UGGT2: variants seen among roughly 807,000 people sequenced by gnomAD.
The protein encoded by UGGT2 is UDP-glucose:glycoprotein glucosyltransferase 2.
In UGGT2, 180 loss-of-function variants were observed where a neutral mutation model predicts 192.1. The ratio of observed to expected loss-of-function variants is 0.94; its 90% CI spans 0.83 to 1.06. The LOEUF (loss-of-function observed/expected upper bound fraction) is 1.06. UGGT2 is among the 50% of genes least tolerant of loss of function. The pLI is 0.00. For synonymous variants in UGGT2, 580 were observed against 591.0 expected, an observed-to-expected ratio of 0.98 and a Z score of 0.27; for missense variants, 1,849 against 1,795.7, an observed-to-expected ratio of 1.03 and a Z score of -0.54.
At chr13:95,887,627 A>T (rs1213350154) in intron 26 of UGGT2, among the ~76,000 whole-genome samples, 2 of 152,170 alleles carry the variant, frequency 1.3e-5, no homozygotes, top group Non-Finnish European at 2.9e-5. Context: ...GGTATTCCTA[A>T]ATCACATTTC....
At chr13:95,960,371 A>AT (rs1329371766) in intron 12 of UGGT2, among the ~76,000 whole-genome samples, 5 of 152,234 alleles carry the variant, frequency 3.3e-5, no homozygotes, top group Non-Finnish European at 2.9e-5. Context: ...TAAGTGAGAA[A>AT]TTTACCAGAA....
chr13:95,829,019 A>G (rs1412542727), intron 38 of UGGT2, among the ~76,000 whole-genome samples: 8 of 152,146 alleles, frequency 5.3e-5, no homozygotes, highest in Non-Finnish European at 1.0e-4. Context: ...TTCAACATAC[A>G]CAAATCAATA....
At chr13:95,920,075 A>G (rs1187890207) in intron 20 of UGGT2, among the ~76,000 whole-genome samples, 1 of 152,196 alleles carries the variant, frequency 6.6e-6, no homozygotes, top group Non-Finnish European at 1.5e-5. Context: ...GATCTTCGAC[A>G]AACCTGACAA....
chr13:95,801,891 G>A (rs775059495), intron 38 of UGGT2, 79 bp from the exon 39 acceptor site: 3 of 1,539,774 alleles, frequency 1.9e-6, no homozygotes, highest in Non-Finnish European at 2.7e-6. Context: ...ATATGATGAG[G>A]AAGCACCGGT....
chr13:95,802,984 C>T (rs1399761308), intron 38 of UGGT2, among the ~76,000 whole-genome samples: 2 of 151,898 alleles, frequency 1.3e-5, no homozygotes, highest in Admixed American at 1.3e-4. Flanking sequence ...CAGGCGCCCG[C>T]CACCACGCCC....
chr13:95,857,896 G>A (rs1275903566), intron 33 of UGGT2, among the ~76,000 whole-genome samples: 1 of 151,660 alleles, frequency 6.6e-6, no homozygotes, highest in African/African-American at 2.4e-5. Flanking sequence ...GTTTATTTGG[G>A]TTAAATACTC....
At chr13:95,888,103 G>C in intron 25 of UGGT2, 132 bp from the exon 26 acceptor site, 1 of 543,230 alleles carries the variant, frequency 1.8e-6, no homozygotes. Context: ...ACAACGCCCT[G>C]CTGAAATAGT....
At chr13:95,900,193 A>G (rs2048062991) in intron 22 of UGGT2, among the ~76,000 whole-genome samples, 2 of 152,132 alleles carry the variant, frequency 1.3e-5, no homozygotes, top group Non-Finnish European at 2.9e-5. Flanking sequence ...GTAAAATTAT[A>G]TATAGTAGGA....
intron 4 of UGGT2, among the ~76,000 whole-genome samples, chr13:96,016,929 C>T (rs910531714): frequency 2.6e-5 from 4 of 152,154 alleles, no homozygotes; most frequent in African/African-American, 9.7e-5. Flanking sequence ...CTGGAGCTGC[C>T]CAAGGCCTAG....
intron 22 of UGGT2, among the ~76,000 whole-genome samples, chr13:95,897,718 C>T (rs760374371): frequency 2.0e-5 from 3 of 152,142 alleles, no homozygotes; most frequent in Non-Finnish European, 2.9e-5. Context: ...CGCTCATAAA[C>T]CACAGACTTA....
chr13:95,995,935 C>T (rs976655698), intron 7 of UGGT2, 128 bp downstream of exon 7: 15 of 758,884 alleles, frequency 2.0e-5, no homozygotes, highest in Middle Eastern at 3.6e-4. Flanking sequence ...TAAAAACAAT[C>T]GTATGTGTGT....
At chr13:95,837,918 T>C (rs1192736975) in intron 36 of UGGT2, among the ~76,000 whole-genome samples, 1 of 151,982 alleles carries the variant, frequency 6.6e-6, no homozygotes, top group African/African-American at 2.4e-5. Flanking sequence ...TTAAGGTTCT[T>C]CTCTCAACAT....
chr13:95,821,306 A>G (rs1885486522), intron 38 of UGGT2, among the ~76,000 whole-genome samples: 1 of 152,036 alleles, frequency 6.6e-6, no homozygotes, highest in South Asian at 2.1e-4. Flanking sequence ...GTGGTATCTC[A>G]TTGTGGTTTT....
chr13:95,890,466 A>C (rs1362227409), intron 25 of UGGT2, among the ~76,000 whole-genome samples: 1 of 152,142 alleles, frequency 6.6e-6, no homozygotes, highest in Non-Finnish European at 1.5e-5. Flanking sequence ...CTTCTTTGTG[A>C]AGTCTCCCTC....
chr13:95,864,985 G>A (rs1890515293), intron 30 of UGGT2, among the ~76,000 whole-genome samples: 1 of 152,140 alleles, frequency 6.6e-6, no homozygotes, highest in Non-Finnish European at 1.5e-5. Context: ...AATACTGAAA[G>A]CTTTGTTTTG....
At chr13:95,999,934 C>G (rs1246967903) in intron 5 of UGGT2, among the ~76,000 whole-genome samples, 8 of 152,130 alleles carry the variant, frequency 5.3e-5, no homozygotes, top group Non-Finnish European at 1.2e-4. Flanking sequence ...AATTTTAGTA[C>G]CTTTATTTTA....
At chr13:95,954,878 T>C (rs1210646320) in intron 12 of UGGT2, among the ~76,000 whole-genome samples, 2 of 152,238 alleles carry the variant, frequency 1.3e-5, no homozygotes, top group Non-Finnish European at 2.9e-5. Context: ...TTTACAGAAT[T>C]TGACACTTCA....
Position 95,972,677 on chromosome 13 carries a change from A to G in UGGT2, c.1093-6T>C, listed in dbSNP as rs752049334. On this transcript the variant is annotated splice_polypyrimidine_tract_variant and splice_region_variant and intron_variant, in intron 10 of 38. Transcript: ENST00000376747. ...TTAAATCTAACTTGAAGATCCTTGA[A>G]GTAGAGCAAAGCAATAGTTAACCAG... 1.2e-6 allele frequency: 2 copies of G among 1,607,488 alleles called. No homozygotes were observed. Among genetic ancestry groups the G allele is most frequent in the Admixed American group, 3.3e-5 (2 of 59,952 alleles).
intron 24 of UGGT2, 30 bp downstream of exon 24, chr13:95,894,532 A>G: frequency 6.4e-7 from 1 of 1,574,536 alleles, no homozygotes; most frequent in Non-Finnish European, 8.7e-7. Flanking sequence ...TTAACAGAAA[A>G]ATCACAAACA....
Sources: allele counts gnomAD v4.1 joint callset (sites outside exome capture counted in the v4.1 genomes callset), GRCh38; gene constraint gnomAD v4.1.1; transcripts MANE v1.5; gene names NCBI Gene and HGNC (gene_info 2026-07-23, HGNC 2026-07-21).